The following PDE4B variants were observed in gnomAD, a reference collection of about 807,000 sequenced individuals.
The protein encoded by PDE4B is 3',5'-cyclic-AMP phosphodiesterase 4B.
In PDE4B, 20 loss-of-function variants were observed where a neutral mutation model predicts 82.2. The ratio of observed to expected loss-of-function variants is 0.24; its 90% CI spans 0.17 to 0.35. The LOEUF (loss-of-function observed/expected upper bound fraction) is 0.35. Among genes scored for constraint, PDE4B ranks in the 10% least tolerant of loss-of-function variants. PDE4B has a pLI of 1.00. For missense variants in PDE4B, 655 were observed against 907.2 expected, an observed-to-expected ratio of 0.72 and a Z score of 3.57; for synonymous variants, 320 against 318.9, an observed-to-expected ratio of 1.00 and a Z score of -0.04.
chr1:65,921,229 A>G (rs1384524065), intron 3 of PDE4B, among the ~76,000 whole-genome samples: 2 of 151,904 alleles, frequency 1.3e-5, no homozygotes, highest in African/African-American at 2.4e-5. Flanking sequence ...CGGCCTCCCA[A>G]AGTGCTGGGA....
chr1:66,188,669 T>C (rs1647419991), intron 3 of PDE4B, among the ~76,000 whole-genome samples: 1 of 151,908 alleles, frequency 6.6e-6, no homozygotes, highest in Non-Finnish European at 1.5e-5. Flanking sequence ...CCTGCCTTTT[T>C]TGTTTTCCAT....
intron 3 of PDE4B, among the ~76,000 whole-genome samples, chr1:66,080,313 A>T (rs1201288748): frequency 6.6e-6 from 1 of 152,156 alleles, no homozygotes; most frequent in African/African-American, 2.4e-5. Context: ...CATGCCTGTA[A>T]TGTAAGTTGT....
At chr1:65,893,161 G>T (rs893119718) in intron 1 of PDE4B, among the ~76,000 whole-genome samples, 10 of 152,112 alleles carry the variant, frequency 6.6e-5, no homozygotes, top group African/African-American at 2.4e-4. Flanking sequence ...GGGACTCATG[G>T]TTATTGTCTA....
At chr1:65,901,532 CT>C (rs1238888470) in intron 1 of PDE4B, among the ~76,000 whole-genome samples, 1 of 151,854 alleles carries the variant, frequency 6.6e-6, no homozygotes, top group Non-Finnish European at 1.5e-5. Flanking sequence ...TGGCCCAGGG[CT>C]TTTTTTGATT....
intron 1 of PDE4B, among the ~76,000 whole-genome samples, chr1:65,852,976 A>G (rs1013053330): frequency 3.3e-5 from 5 of 152,084 alleles, no homozygotes; most frequent in African/African-American, 9.7e-5. Flanking sequence ...CTGAGAGAAG[A>G]GTATTGAATT....
intron 7 of PDE4B, among the ~76,000 whole-genome samples, chr1:66,273,449 C>T (rs1039375494): frequency 6.6e-6 from 1 of 152,216 alleles, no homozygotes; most frequent in Admixed American, 6.5e-5. Flanking sequence ...CAATTCAGGG[C>T]CTGGGCCCTG....
At chr1:66,172,465 C>G (rs756214767) in intron 3 of PDE4B, among the ~76,000 whole-genome samples, 1 of 152,096 alleles carries the variant, frequency 6.6e-6, no homozygotes, top group African/African-American at 2.4e-5. Context: ...GGGTATATGC[C>G]CAGTAATGGG....
intron 3 of PDE4B, among the ~76,000 whole-genome samples, chr1:66,090,653 A>G (rs1468278885): frequency 7.1e-5 from 3 of 42,242 alleles, no homozygotes; most frequent in African/African-American, 2.6e-4. Context: ...GTACGTATAT[A>G]TATGTATGTA....
chr1:66,190,685 A>T (rs1647705856), intron 3 of PDE4B, among the ~76,000 whole-genome samples: 1 of 152,130 alleles, frequency 6.6e-6, no homozygotes, highest in African/African-American at 2.4e-5. Context: ...AGACCATTGG[A>T]AGAGTGCAGT....
At chr1:66,345,124 T>C (rs1437103124) in intron 8 of PDE4B, among the ~76,000 whole-genome samples, 3 of 152,188 alleles carry the variant, frequency 2.0e-5, no homozygotes, top group African/African-American at 7.2e-5. Flanking sequence ...GATATGAAAC[T>C]GAGATTCGGG....
chr1:66,174,006 C>T (rs1403686418), intron 3 of PDE4B, among the ~76,000 whole-genome samples: 1 of 152,190 alleles, frequency 6.6e-6, no homozygotes, highest in Non-Finnish European at 1.5e-5. Context: ...AGGCTGGTCT[C>T]AAACTCCTGG....
At chr1:66,117,852 T>C (rs1645627811) in intron 3 of PDE4B, among the ~76,000 whole-genome samples, 1 of 152,202 alleles carries the variant, frequency 6.6e-6, no homozygotes, top group African/African-American at 2.4e-5. Context: ...ATTGCTTCTT[T>C]TTCTTAAAAA....
chr1:65,847,899 G>T (rs1470777331), intron 1 of PDE4B, among the ~76,000 whole-genome samples: 1 of 151,990 alleles, frequency 6.6e-6, no homozygotes, highest in Non-Finnish European at 1.5e-5. Context: ...TTAATGTATT[G>T]ATTAATTTTG....
intron 3 of PDE4B, among the ~76,000 whole-genome samples, chr1:66,193,236 C>T (rs1647981720): frequency 6.6e-6 from 1 of 152,050 alleles, no homozygotes; most frequent in Non-Finnish European, 1.5e-5. Context: ...TTTTAAACTG[C>T]CTTTGGTTTG....
intron 1 of PDE4B, among the ~76,000 whole-genome samples, chr1:65,836,045 G>A (rs1422651621): frequency 6.6e-6 from 1 of 151,988 alleles, no homozygotes; most frequent in Non-Finnish European, 1.5e-5. Context: ...GGGTTCAAGC[G>A]ATTCTCCTGC....
At chr1:66,224,275 A>G (rs1022994482) in intron 3 of PDE4B, among the ~76,000 whole-genome samples, 1 of 152,138 alleles carries the variant, frequency 6.6e-6, no homozygotes, top group African/African-American at 2.4e-5. Context: ...TTTCTTTGCC[A>G]AGCTTAAATG....
chr1:66,153,323 T>C (rs1439641457), intron 3 of PDE4B, among the ~76,000 whole-genome samples: 14 of 152,182 alleles, frequency 9.2e-5, no homozygotes, highest in Admixed American at 9.2e-4. Context: ...TCCCAAACCT[T>C]GGCTGCTTTC....
intron 3 of PDE4B, among the ~76,000 whole-genome samples, chr1:66,064,609 C>A (rs549406787): frequency 6.6e-6 from 1 of 152,052 alleles, no homozygotes; most frequent in African/African-American, 2.4e-5. Context: ...CAGTAGAGTT[C>A]TCATTGACTC....
intron 1 of PDE4B, among the ~76,000 whole-genome samples, chr1:65,825,441 T>A (rs1488156161): frequency 6.6e-6 from 1 of 152,230 alleles, no homozygotes; most frequent in East Asian, 1.9e-4. Context: ...AAATGCTTTT[T>A]TGTTTGCTGC....
Sources: allele counts gnomAD v4.1 joint callset (sites outside exome capture counted in the v4.1 genomes callset), GRCh38; gene constraint gnomAD v4.1.1; transcripts MANE v1.5; gene names NCBI Gene and HGNC (gene_info 2026-07-23, HGNC 2026-07-21).